Variants in SETD7 observed in about 807,000 individuals in gnomAD.
SETD7 encodes histone-lysine N-methyltransferase SETD7.
Under a neutral mutation model 41.8 loss-of-function variants are expected in SETD7, and 16 were observed. The ratio of observed to expected loss-of-function variants is 0.38; its 90% CI spans 0.26 to 0.58. The LOEUF (loss-of-function observed/expected upper bound fraction) is 0.58. Among genes scored for constraint, SETD7 ranks in the 20% least tolerant of loss-of-function variants. SETD7 has a pLI of 0.64. For missense variants in SETD7, 346 were observed against 459.7 expected (o/e 0.75, Z 2.26); for synonymous variants, 163 against 169.7 (o/e 0.96, Z 0.31).
At chr4:139,505,995 AT>A (rs1256775486), downstream of SETD7, 3 of 152,656 alleles carry the variant, frequency 2.0e-5, no homozygotes, top group African/African-American at 7.2e-5. Context: ...GAAAACCATT[AT>A]TGCTTTTCTA....
At chr4:139,505,437 A>T, downstream of SETD7, among the ~76,000 whole-genome samples, 1 of 152,076 alleles carries the variant, frequency 6.6e-6, no homozygotes, top group East Asian at 1.9e-4. Context: ...AAAAATACAA[A>T]AATGAGCTGA....
downstream of SETD7, among the ~76,000 whole-genome samples, chr4:139,504,607 T>C (rs112773991): frequency 6.6e-6 from 1 of 152,200 alleles, no homozygotes; most frequent in African/African-American, 2.4e-5. Context: ...AGTCCTTCGA[T>C]AGCTGTTACC....
At chr4:139,498,528 G>A (rs768537773) in intron 7 of SETD7, among the ~76,000 whole-genome samples, 35 of 152,196 alleles carry the variant, frequency 2.3e-4, no homozygotes, top group Non-Finnish European at 4.3e-4. Context: ...TGATCCTGGT[G>A]CTTCCCCATG....
At chr4:139,548,510 T>C (rs1412511631) in intron 1 of SETD7, among the ~76,000 whole-genome samples, 1 of 152,128 alleles carries the variant, frequency 6.6e-6, no homozygotes, top group Admixed American at 6.6e-5. Context: ...CGGACGTCTG[T>C]AATCCCAGCT....
intron 1 of SETD7, among the ~76,000 whole-genome samples, chr4:139,554,026 G>T (rs1728187203): frequency 6.6e-6 from 1 of 152,180 alleles, no homozygotes; most frequent in African/African-American, 2.4e-5. Flanking sequence ...AGCCTGAGAT[G>T]CTTCTAGGGG....
At chr4:139,505,182 C>T (rs554319720), downstream of SETD7, among the ~76,000 whole-genome samples, 4 of 152,174 alleles carry the variant, frequency 2.6e-5, no homozygotes, top group African/African-American at 4.8e-5. Flanking sequence ...AACTGTGCCT[C>T]GTGTAGCCCT....
At chr4:139,515,618 A>T (rs1159077026) in intron 7 of SETD7, among the ~76,000 whole-genome samples, 1 of 152,240 alleles carries the variant, frequency 6.6e-6, no homozygotes, top group African/African-American at 2.4e-5. Context: ...AGTTAATCAC[A>T]GTGTCAGTTT....
chr4:139,552,866 A>G (rs1728149183), intron 1 of SETD7, among the ~76,000 whole-genome samples: 1 of 152,222 alleles, frequency 6.6e-6, no homozygotes, highest in Non-Finnish European at 1.5e-5. Flanking sequence ...TTTATTTGAA[A>G]TCATATTAGA....
chr4:139,534,549 G>A (rs907486892), intron 2 of SETD7, among the ~76,000 whole-genome samples: 9 of 151,936 alleles, frequency 5.9e-5, no homozygotes, highest in African/African-American at 1.9e-4. Context: ...TCACCACACC[G>A]GGTTAATTTT....
chr4:139,526,987 G>A (rs966848665), intron 4 of SETD7, among the ~76,000 whole-genome samples: 1 of 151,972 alleles, frequency 6.6e-6, no homozygotes, highest in African/African-American at 2.4e-5. Flanking sequence ...TCAAATATAC[G>A]ACATGCATCA....
rs1296451976 is a variant in SETD7, at chr4:139,499,659, C to T, written c.921-3138G>A. Among the ~76,000 whole-genome samples, 5 of 149,504 alleles carry T rather than the reference C, an allele frequency of 3.3e-5. No homozygotes were observed. The East Asian group carries it at 9.7e-4, about 29-fold the overall frequency. On this transcript the variant is annotated intron_variant, in intron 7 of 7. Coordinates refer to the SETD7 transcript ENST00000506866. ...TTCAGTTTCCCAGCCCCCTTCCCAC[C>T]AAAGTACCCTTAAAAACCCCAGCCT...
rs531266971 is a variant in SETD7, at chr4:139,535,887, TA to T, written c.171-2522del. Among the ~76,000 whole-genome samples, 32 of 152,328 alleles carry T rather than the reference TA, an allele frequency of 2.1e-4. No individual in the cohort carries two copies. The East Asian group carries it at 6.0e-3, about 28-fold the overall frequency. On this transcript the variant is annotated intron_variant, in intron 2 of 7. Coordinates refer to ENST00000274031, the MANE Select transcript of SETD7 (RefSeq NM_030648.4). ...CTCCAGGGTGATAAAAGTGATTTTTTAAAATCCTCTGTCATTGAGGAAATAA... is the reference window on the plus strand; with the variant it reads ...CTCCAGGGTGATAAAAGTGATTTTTTAAATCCTCTGTCATTGAGGAAATAA...
chr4:139,498,562 C>G (rs1187489119), intron 7 of SETD7, among the ~76,000 whole-genome samples: 1 of 152,136 alleles, frequency 6.6e-6, no homozygotes, highest in Non-Finnish European at 1.5e-5. Context: ...ATGGTGTGCC[C>G]CCTCCTCTTG....
At chr4:139,496,680 T>C (rs1181732926) in intron 7 of SETD7, among the ~76,000 whole-genome samples, 1 of 152,230 alleles carries the variant, frequency 6.6e-6, no homozygotes, top group Non-Finnish European at 1.5e-5. Flanking sequence ...CTCTGACTTT[T>C]CACTGGGTCA....
intron 7 of SETD7, among the ~76,000 whole-genome samples, chr4:139,501,008 G>A (rs555105765): frequency 5.3e-5 from 8 of 152,018 alleles, no homozygotes; most frequent in African/African-American, 1.9e-4. Context: ...TCCATAATTT[G>A]TTCTCTCTCT....
At chr4:139,533,004 G>T in intron 3 of SETD7, 161 bp downstream of exon 3, 1 of 642,538 alleles carries the variant, frequency 1.6e-6, no homozygotes. Flanking sequence ...AGCCAATAGT[G>T]AGTAACAGTG....
At position 139,510,650 on chromosome 4, in the gene SETD7, T is replaced by C. The variant is rs1019339084; in HGVS notation, c.*1013A>G. The C allele has an allele frequency of 6.6e-6, 1 of 152,194 alleles. No homozygotes were observed. Among genetic ancestry groups the C allele is most frequent in the African/African-American group, 2.4e-5 (1 of 41,434 alleles). 9.4% of individuals were successfully genotyped at this position (152,194 alleles called of 1,614,324 possible). On this transcript the variant is annotated 3_prime_UTR_variant, in exon 8 of 8. Coordinates refer to ENST00000274031, the MANE Select transcript of SETD7 (RefSeq NM_030648.4). ...ACTAAAAAAATTTTTTTTTGAATTC[T>C]GTTAGAATTCAAATTTGCTGTTTGA...
chr4:139,556,065 C>A, intron 1 of SETD7, 33 bp downstream of exon 1: 1 of 1,575,882 alleles, frequency 6.3e-7, no homozygotes, highest in Non-Finnish European at 8.6e-7. Flanking sequence ...GCCCTCTGCG[C>A]CTCCTCCCCC....
chr4:139,523,443 G>A lies in SETD7; in HGVS notation c.563-8C>T. On this transcript the variant is annotated splice_polypyrimidine_tract_variant and splice_region_variant and intron_variant, in intron 4 of 7. Transcript: ENST00000274031. ...CAAAGTGGTACACTGAATCTGAAAAGCAAACAAAAATACCAGTATAGGTGC... is the reference window on the plus strand; with the variant it reads ...CAAAGTGGTACACTGAATCTGAAAAACAAACAAAAATACCAGTATAGGTGC... The A allele has an allele frequency of 6.2e-7, 1 of 1,604,438 alleles. No homozygotes were observed. The highest frequency in any genetic ancestry group is 1.1e-5 in the South Asian group (1 of 90,616).
Sources: gnomAD v4.1 joint callset for allele counts (sites outside exome capture counted in the v4.1 genomes callset) on GRCh38, gnomAD v4.1.1 for gene constraint, MANE v1.5 for transcripts, NCBI Gene and HGNC (gene_info 2026-07-23, HGNC 2026-07-21) for gene names.